EEIG2: variants seen among roughly 807,000 people sequenced by gnomAD.
EEIG2 encodes the protein family with sequence similarity 102 member B.
chr1:108,598,360 C>G, the EEIG2 span, among the ~76,000 whole-genome samples: 1 of 125,216 alleles, frequency 8.0e-6, no homozygotes, highest in Non-Finnish European at 1.7e-5. Context: ...AAAAAAAAAT[C>G]TGGATTTTTT....
At chr1:108,624,389 CTT>C in the EEIG2 span, among the ~76,000 whole-genome samples, 5 of 145,252 alleles carry the variant, frequency 3.4e-5, no homozygotes, top group South Asian at 1.1e-3. Context: ...AGAGGCCTCT[CTT>C]TTTAGGACTC....
chr1:108,625,841 GAA>G, the EEIG2 span: 2 of 151,006 alleles, frequency 1.3e-5, no homozygotes, highest in African/African-American at 2.4e-5. Flanking sequence ...GAGAGAGAGA[GAA>G]AGATCAGCAA....
chr1:108,627,330 G>C, the EEIG2 span: 8 of 152,234 alleles, frequency 5.3e-5, no homozygotes, highest in Non-Finnish European at 1.2e-4. Context: ...TGGTCCAACT[G>C]CATGCAGTAT....
chr1:108,589,981 C>T, the EEIG2 span, among the ~76,000 whole-genome samples: 1 of 151,588 alleles, frequency 6.6e-6, no homozygotes, highest in East Asian at 1.9e-4. Flanking sequence ...TATTTTCAGC[C>T]CTGACCACCT....
At chr1:108,638,993 G>A in the EEIG2 span, 1 of 152,172 alleles carries the variant, frequency 6.6e-6, no homozygotes, top group African/African-American at 2.4e-5. Context: ...TTATCTTACT[G>A]ATATGCGTTG....
the EEIG2 span, among the ~76,000 whole-genome samples, chr1:108,587,740 CTA>C: frequency 6.6e-6 from 1 of 152,146 alleles, no homozygotes; most frequent in Non-Finnish European, 1.5e-5. Flanking sequence ...ATTTCCCAGT[CTA>C]TGATGTGTAT....
the EEIG2 span, among the ~76,000 whole-genome samples, chr1:108,587,824 T>G: frequency 2.0e-5 from 3 of 152,162 alleles, no homozygotes; most frequent in African/African-American, 7.2e-5. Context: ...TACTTCATTT[T>G]TATTGTGTCC....
chr1:108,601,911 C>G, the EEIG2 span, among the ~76,000 whole-genome samples: 1 of 152,118 alleles, frequency 6.6e-6, no homozygotes, highest in East Asian at 1.9e-4. Flanking sequence ...ACTGGGAGGA[C>G]AGTGGTGAAC....
chr1:108,587,323 C>T, the EEIG2 span, among the ~76,000 whole-genome samples: 1 of 152,080 alleles, frequency 6.6e-6, no homozygotes, highest in Non-Finnish European at 1.5e-5. Context: ...CCTCCTATAC[C>T]TCCTGTCCCC....
At chr1:108,570,240 T>C in the EEIG2 span, among the ~76,000 whole-genome samples, 1 of 151,930 alleles carries the variant, frequency 6.6e-6, no homozygotes, top group Non-Finnish European at 1.5e-5. Flanking sequence ...AACAGAATGA[T>C]AAAGGGAACA....
the EEIG2 span, among the ~76,000 whole-genome samples, chr1:108,564,574 A>T: frequency 2.0e-5 from 3 of 152,288 alleles, no homozygotes; most frequent in East Asian, 5.8e-4. Context: ...GATGTTGTCT[A>T]TTGGAGCCAT....
chr1:108,578,394 G>C, the EEIG2 span, among the ~76,000 whole-genome samples: 4 of 118,778 alleles, frequency 3.4e-5, no homozygotes, highest in African/African-American at 1.4e-4. Context: ...CAAAGGGAAT[G>C]CTTCCAGTTT....
At chr1:108,636,503 T>A in the EEIG2 span, 1 of 152,218 alleles carries the variant, frequency 6.6e-6, no homozygotes, top group African/African-American at 2.4e-5. Flanking sequence ...AATATCCAAA[T>A]TTAAAGGTTT....
chr1:108,574,120 T>G, the EEIG2 span, among the ~76,000 whole-genome samples: 1 of 152,260 alleles, frequency 6.6e-6, no homozygotes, highest in East Asian at 1.9e-4. Context: ...TAAGTGTCCA[T>G]CACAGGATGA....
chr1:108,597,924 C>T, the EEIG2 span, among the ~76,000 whole-genome samples: 1 of 152,158 alleles, frequency 6.6e-6, no homozygotes, highest in African/African-American at 2.4e-5. Context: ...GCTCAGTGGA[C>T]CCTGAAGGGT....
chr1:108,606,316 TA>T, the EEIG2 span: 6 of 1,168,296 alleles, frequency 5.1e-6, no homozygotes, highest in Admixed American at 9.4e-5. Flanking sequence ...TTTATAGGCT[TA>T]AAAATTAAAT....
At chr1:108,579,560 G>A in the EEIG2 span, among the ~76,000 whole-genome samples, 4 of 148,312 alleles carry the variant, frequency 2.7e-5, no homozygotes, top group Non-Finnish European at 6.0e-5. Context: ...GGATACCCAG[G>A]AATTGAACTC....
chr1:108,573,035 A>C, the EEIG2 span, among the ~76,000 whole-genome samples: 1 of 152,186 alleles, frequency 6.6e-6, no homozygotes, highest in Admixed American at 6.6e-5. Context: ...AGTTTTGGCA[A>C]TTATGAATAA....
the EEIG2 span, chr1:108,612,140 TAGA>T: frequency 7.1e-7 from 1 of 1,409,674 alleles, no homozygotes; most frequent in Non-Finnish European, 9.9e-7. Flanking sequence ...AGAAGCCTAC[TAGA>T]TAGTCTATTA....
Sources: gnomAD v4.1 joint callset for allele counts (sites outside exome capture counted in the v4.1 genomes callset) on GRCh38, gnomAD v4.1.1 for gene constraint, MANE v1.5 for transcripts, NCBI Gene and HGNC (gene_info 2026-07-23, HGNC 2026-07-21) for gene names.